DUOX1: variants seen among roughly 807,000 people sequenced by gnomAD.
DUOX1 encodes the protein dual oxidase 1.
In DUOX1, 134 loss-of-function variants were observed where a neutral mutation model predicts 181.8. The ratio of observed to expected loss-of-function variants is 0.74; its 90% CI spans 0.64 to 0.85. The LOEUF is 0.85. DUOX1 is among the 40% of genes least tolerant of loss of function. The pLI is 0.00. For synonymous variants in DUOX1, 798 were observed against 832.5 expected (o/e 0.96, Z 0.71); for missense variants, 1,814 against 2,064.4 (o/e 0.88, Z 2.35).
At position 45,141,356 on chromosome 15, in the gene DUOX1, G is replaced by A. The variant is rs377078773; in HGVS notation, c.1630G>A (p.Val544Ile). ...NTTLQDVLVAVINIDPSALQP... is the reference protein window; with the variant it reads ...NTTLQDVLVAIINIDPSALQP... Reference sequence around the variant, plus strand: ...CACCCTGCAGGACGTGCTGGTCGCTGTTATCAACATTGACCCCAGTGCTCT... The same window carrying A: ...CACCCTGCAGGACGTGCTGGTCGCTATTATCAACATTGACCCCAGTGCTCT... Residue 544 changes from valine (V) to isoleucine (I), a missense_variant, in exon 14 of 34, where the codon GTT becomes ATT. Coordinates refer to ENST00000389037, the MANE Select transcript of DUOX1 (RefSeq NM_175940.3). 8 of 1,614,254 alleles carry A rather than the reference G, an allele frequency of 5.0e-6. No individual in the cohort carries two copies. The South Asian group carries it at 5.5e-5, about 11-fold the overall frequency.
chr15:45,155,623 G>A (rs1348688682), intron 27 of DUOX1, 179 bp from the exon 28 acceptor site: 1 of 679,732 alleles, frequency 1.5e-6, no homozygotes, highest in Non-Finnish European at 2.4e-6. Context: ...AGTGAACAAT[G>A]TCTGCTGAAA....
At chr15:45,143,413 T>A in intron 16 of DUOX1, 110 bp downstream of exon 16, 1 of 802,184 alleles carries the variant, frequency 1.2e-6, no homozygotes, top group Non-Finnish European at 2.0e-6. Context: ...TCTAGGACTG[T>A]AGGCAAGGCC....
chr15:45,162,129 A>G, intron 30 of DUOX1, 90 bp from the exon 31 acceptor site: 1 of 1,535,008 alleles, frequency 6.5e-7, no homozygotes, highest in South Asian at 1.2e-5. Flanking sequence ...CTCACTCCAT[A>G]TACGTATCTA....
chr15:45,151,909 C>A lies in DUOX1; in HGVS notation c.3050C>A (p.Ala1017Glu). 2 of 1,613,256 alleles carry A rather than the reference C, an allele frequency of 1.2e-6. No individual in the cohort carries two copies. Among genetic ancestry groups the A allele is most frequent in the Non-Finnish European group, 1.7e-6 (2 of 1,179,768 alleles). Residue 1017 changes from alanine to glutamate, a missense_variant, in exon 24 of 34, where the codon GCG (alanine) becomes GAG (glutamate). Ala to Glu is a moderately radical substitution (Grantham distance 107). Transcript: ENST00000389037. The part of the protein sequence containing the change: ...TSFQPLLFTE[A>E]HREKFQRSCL... ...TTCCAGCCCTTGCTGTTCACTGAGG[C>A]GCACCGAGAGAAGTTCCAACGCAGC... is the stretch of plus-strand genomic sequence containing the variant.
rs530745024 is a variant in DUOX1 at position 45,153,898 on chromosome 15, AAAGAG to A, written c.3525-51_3525-47del. On this transcript the variant is annotated intron_variant, in intron 26 of 33. Transcript: ENST00000389037. The stretch of plus-strand genomic sequence containing the variant: ...CAAGACTCTGCCTCAAAAAAAAAAA[AAAGAG>A]AGAGAGATCTCCTCTCAAGGTGTCT... 8.2e-4 allele frequency: 1,241 copies of A among 1,513,468 alleles called. 3 individuals are homozygous for A. The African/African-American group carries it at 0.015, about 18-fold the overall frequency. 93.8% of individuals were successfully genotyped at this position (1,513,468 alleles called of 1,614,324 possible). A position where few individuals can be genotyped will look rare whatever the true frequency, so the allele number is the denominator to read the frequency against.
In DUOX1 at chr15:45,135,942, C is replaced by T; in HGVS notation, c.858C>T (p.Thr286=). Residue 286 remains threonine, a synonymous_variant, in exon 7 of 34, where the codon ACC becomes ACT. Coordinates refer to ENST00000389037, the MANE Select transcript of DUOX1 (RefSeq NM_175940.3). ...ACGCACGCAAGAGGGTCATCGCCAC[C>T]TACCAGGTCAGCCGTCCGCGCCCCG... ...FQHARKRVIA[T]YQNIAVYEWL... The T allele has an allele frequency of 6.9e-7, 1 of 1,451,110 alleles. No individual in the cohort carries two copies. The highest frequency in any genetic ancestry group is 1.3e-5 in the South Asian group (1 of 77,842). The allele number at this position is 1,451,110 out of a possible 1,614,324, so 89.9% of individuals were successfully genotyped here.
chr15:45,148,125 T>A, intron 20 of DUOX1, 128 bp downstream of exon 20: 1 of 1,428,580 alleles, frequency 7.0e-7, no homozygotes, highest in Non-Finnish European at 9.8e-7. Context: ...AACCAGAGGC[T>A]GTTCAAACTA....
In DUOX1 at chr15:45,150,705, A is replaced by C. The variant is rs771538053; in HGVS notation, c.2888+4A>C. On this transcript the variant is annotated splice_donor_region_variant and intron_variant, in intron 22 of 33. Coordinates refer to ENST00000389037, the MANE Select transcript of DUOX1 (RefSeq NM_175940.3). Reference sequence around the variant, plus strand: ...ACATCAGCCAGGATATGATCTGGTGAGCACCCATCTGGGAATGTCGGGGGG... The same window carrying C: ...ACATCAGCCAGGATATGATCTGGTGCGCACCCATCTGGGAATGTCGGGGGG... 6.2e-7 allele frequency: 1 copy of C among 1,613,718 alleles called. No individual in the cohort carries two copies.
intron 33 of DUOX1, among the ~76,000 whole-genome samples, 162 bp from the exon 34 acceptor site, chr15:45,164,617 C>T (rs1897182839): frequency 6.6e-6 from 1 of 152,044 alleles, no homozygotes; most frequent in African/African-American, 2.4e-5. Flanking sequence ...TACAGGAGTG[C>T]ACCACTATGC....
rs774522072 is a variant in DUOX1, at chr15:45,147,549, C to T, written c.2439C>T (p.Leu813=). 2.8e-5 allele frequency: 45 copies of T among 1,614,110 alleles called. No individual in the cohort carries two copies. In the East Asian group the frequency reaches 9.6e-4, roughly 34 times the overall value. The change falls in exon 19 of 34, where the codon CTC becomes CTT. Residue 813 remains leucine (L), a synonymous_variant. Coordinates refer to ENST00000389037, the MANE Select transcript of DUOX1 (RefSeq NM_175940.3). Reference sequence around the variant, plus strand: ...CCGAGTTTGCCGAGTCCCTGGGCCTCAAGCCCCAGGACATGTTTGTGGAGT... The same window carrying T: ...CCGAGTTTGCCGAGTCCCTGGGCCTTAAGCCCCAGGACATGTTTGTGGAGT... ...SRAEFAESLG[L]KPQDMFVESM... is the part of the protein sequence containing the mutation.
intron 9 of DUOX1, among the ~76,000 whole-genome samples, chr15:45,137,185 T>TA (rs35442034): frequency 0.17 from 13,874 of 81,894 alleles, 1,026 homozygotes; most frequent in African/African-American, 0.19. Flanking sequence ...TCGTCTCTAC[T>TA]AAAAAAAAAA....
chr15:45,139,194 T>C (rs971263108), intron 11 of DUOX1, 26 bp downstream of exon 11: 7 of 1,613,956 alleles, frequency 4.3e-6, no homozygotes, highest in Non-Finnish European at 5.9e-6. Context: ...TCCCTGCAGG[T>C]TGTGAACTCC....
intron 23 of DUOX1, 52 bp downstream of exon 23, chr15:45,151,300 T>C (rs1450724792): frequency 6.3e-7 from 1 of 1,592,248 alleles, no homozygotes; most frequent in East Asian, 2.2e-5. Context: ...TCCTTCAGCT[T>C]ATAAACATCT....
At position 45,139,255 on chromosome 15, in the gene DUOX1, GT is replaced by G. The variant is rs751166465; in HGVS notation, c.1216+88del. On this transcript the variant is annotated intron_variant, in intron 11 of 33. Transcript: ENST00000389037. Reference sequence around the variant, plus strand: ...GACTTCCAGAACCAGGTATGAGGGGGTGCCTGGGGCTGGGAGCCTGCACTGC... The same window carrying G: ...GACTTCCAGAACCAGGTATGAGGGGGGCCTGGGGCTGGGAGCCTGCACTGC... 77 of 1,607,782 alleles carry G rather than the reference GT, an allele frequency of 4.8e-5. No individual in the cohort carries two copies. The African/African-American group carries it at 9.7e-4, about 20-fold the overall frequency.
intron 24 of DUOX1, 113 bp downstream of exon 24, chr15:45,152,165 T>C: frequency 6.7e-7 from 1 of 1,482,024 alleles, no homozygotes; most frequent in Admixed American, 2.0e-5. Context: ...GGAGCCTGTC[T>C]GAGTGAAGAC....
chr15:45,159,404 G>C (rs1000300746), intron 28 of DUOX1, among the ~76,000 whole-genome samples: 1 of 152,256 alleles, frequency 6.6e-6, no homozygotes, highest in Non-Finnish European at 1.5e-5. Context: ...TGTTGCAGAA[G>C]TGGCGAGAAG....
rs1404315745 is a variant in DUOX1 at position 45,164,883 on chromosome 15, C to T, written c.4638C>T (p.His1546=). 1 of 1,614,164 alleles carries T rather than the reference C, an allele frequency of 6.2e-7. No individual in the cohort carries two copies. Among genetic ancestry groups the T allele is most frequent in the Non-Finnish European group, 8.5e-7 (1 of 1,180,012 alleles). ...GGCAGGACCGGACTCACTTCTCCCA[C>T]CATTATGAGAACTTCTAGGCCCCTG... ...INRQDRTHFS[H]HYENF The change falls in exon 34 of 34, where the codon CAC becomes CAT. Residue 1546 remains histidine (H), a synonymous_variant. Transcript: ENST00000389037.
At chr15:45,162,720 T>C (rs1897139353) in intron 31 of DUOX1, among the ~76,000 whole-genome samples, 1 of 152,196 alleles carries the variant, frequency 6.6e-6, no homozygotes, top group African/African-American at 2.4e-5. Context: ...AGCCCAGCAC[T>C]TGGAGCCTTA....
intron 26 of DUOX1, 136 bp from the exon 27 acceptor site, chr15:45,153,814 GA>G: frequency 1.3e-6 from 1 of 768,016 alleles, no homozygotes; most frequent in Non-Finnish European, 2.2e-6. Flanking sequence ...TTGAAACCAG[GA>G]GGTGGAGGTT....
Sources: gnomAD v4.1 joint callset for allele counts (sites outside exome capture counted in the v4.1 genomes callset) on GRCh38, gnomAD v4.1.1 for gene constraint, MANE v1.5 for transcripts, NCBI Gene and HGNC (gene_info 2026-07-23, HGNC 2026-07-21) for gene names.